The following SUPT3H variants were observed in gnomAD, a reference collection of about 807,000 sequenced individuals.
SUPT3H encodes transcription initiation protein SPT3 homolog.
In SUPT3H, 44 loss-of-function variants were observed where a neutral mutation model predicts 44.3. That is an observed-to-expected ratio of 0.99 (90% confidence interval 0.78 to 1.28). The LOEUF is 1.28. Ranked by LOEUF, SUPT3H falls within the 50% of genes most tolerant of loss-of-function variation. The pLI, the probability that SUPT3H is intolerant of heterozygous loss-of-function variation, is 0.00. For missense variants in SUPT3H, 380 were observed against 387.1 expected, an observed-to-expected ratio of 0.98 and a Z score of 0.15; for synonymous variants, 124 against 125.6, an observed-to-expected ratio of 0.99 and a Z score of 0.09.
At chr6:45,098,929 T>C (rs1005046917) in intron 3 of SUPT3H, 17 of 509,080 alleles carry the variant, frequency 3.3e-5, no homozygotes, top group Non-Finnish European at 4.3e-5. Context: ...ATCCCAAGCA[T>C]CCAGAGGAAA....
intron 3 of SUPT3H, among the ~76,000 whole-genome samples, chr6:45,072,106 G>C (rs1316284934): frequency 6.6e-6 from 1 of 152,116 alleles, no homozygotes; most frequent in Non-Finnish European, 1.5e-5. Context: ...TATGAAGTCA[G>C]AACTAATATT....
chr6:45,346,110 A>G (rs578128518), intron 2 of SUPT3H, among the ~76,000 whole-genome samples: 2 of 152,106 alleles, frequency 1.3e-5, no homozygotes, highest in Non-Finnish European at 2.9e-5. Flanking sequence ...ATCCACCTCC[A>G]TATTCCTATA....
intron 2 of SUPT3H, among the ~76,000 whole-genome samples, chr6:45,126,629 A>G (rs73738605): frequency 6.6e-6 from 1 of 152,216 alleles, no homozygotes; most frequent in Non-Finnish European, 1.5e-5. Flanking sequence ...GGTTCCCCCA[A>G]AAGATATGAA....
At chr6:45,279,091 T>G (rs1777508255) in intron 2 of SUPT3H, among the ~76,000 whole-genome samples, 1 of 152,228 alleles carries the variant, frequency 6.6e-6, no homozygotes, top group South Asian at 2.1e-4. Context: ...AATTCTCGAT[T>G]AAGATACTTA....
chr6:45,301,044 A>G (rs149581733), intron 2 of SUPT3H, among the ~76,000 whole-genome samples: 28 of 152,310 alleles, frequency 1.8e-4, no homozygotes, highest in African/African-American at 6.5e-4. Context: ...ATTGACTACA[A>G]GTCACCTACC....
chr6:45,039,811 A>T (rs550919384), intron 3 of SUPT3H, among the ~76,000 whole-genome samples: 24 of 146,068 alleles, frequency 1.6e-4, no homozygotes, highest in Non-Finnish European at 3.3e-4. Flanking sequence ...AAAAACAAAA[A>T]ACAAACAAAA....
intron 2 of SUPT3H, among the ~76,000 whole-genome samples, chr6:45,161,452 T>C (rs77853584): frequency 0.018 from 2,668 of 152,250 alleles, 52 homozygotes; most frequent in South Asian, 0.085. Flanking sequence ...CTCTTGAGAG[T>C]ATGGACACTA....
chr6:45,074,757 A>G (rs937074349), intron 3 of SUPT3H, among the ~76,000 whole-genome samples: 3 of 152,038 alleles, frequency 2.0e-5, no homozygotes, highest in African/African-American at 7.2e-5. Context: ...GGAGTGCAGA[A>G]CTGTCAAAAC....
chr6:45,131,903 C>G (rs1467700773), intron 2 of SUPT3H, among the ~76,000 whole-genome samples: 2 of 152,112 alleles, frequency 1.3e-5, no homozygotes, highest in Non-Finnish European at 2.9e-5. Flanking sequence ...TTGAGATCCC[C>G]CACACTCCAT....
intron 2 of SUPT3H, among the ~76,000 whole-genome samples, chr6:45,229,366 T>C (rs971999140): frequency 3.9e-5 from 6 of 152,124 alleles, no homozygotes; most frequent in African/African-American, 1.4e-4. Context: ...AGTTTTCTTT[T>C]GCATTCTGAA....
At chr6:44,867,565 C>CT (rs34627980) in intron 10 of SUPT3H, among the ~76,000 whole-genome samples, 50,956 of 151,820 alleles carry the variant, frequency 0.34, 9,491 homozygotes, top group Admixed American at 0.41. Flanking sequence ...CAAGTTTTCA[C>CT]TTTTTTTTAA....
At chr6:45,140,518 C>T (rs1296886102) in intron 2 of SUPT3H, among the ~76,000 whole-genome samples, 2 of 152,132 alleles carry the variant, frequency 1.3e-5, no homozygotes, top group Admixed American at 1.3e-4. Context: ...CTAATTTCAC[C>T]GTCTGCAATA....
At chr6:45,202,861 T>C (rs1762647810) in intron 2 of SUPT3H, among the ~76,000 whole-genome samples, 2 of 152,094 alleles carry the variant, frequency 1.3e-5, no homozygotes, top group Non-Finnish European at 2.9e-5. Context: ...ATATTCATAA[T>C]GTAGAAATAA....
At chr6:45,337,585 G>A (rs1040087703) in intron 2 of SUPT3H, among the ~76,000 whole-genome samples, 3 of 151,602 alleles carry the variant, frequency 2.0e-5, no homozygotes, top group Admixed American at 1.3e-4. Context: ...CTAAAACAAC[G>A]GACTACCTGT....
rs370063301 is a variant in SUPT3H, at chr6:45,283,185, C to T, written c.101+82016G>A. Among the ~76,000 whole-genome samples the T allele has an allele frequency of 1.0e-3, 154 of 152,188 alleles. 5 individuals are homozygous for T. The South Asian group carries it at 0.031, about 31-fold the overall frequency. On this transcript the variant is annotated intron_variant, in intron 2 of 10. Coordinates refer to ENST00000371459, the MANE Select transcript of SUPT3H (RefSeq NM_003599.4). ...GGAAAAAACTGCATCAACTAACGAGCAAAATAACCAGCTAACATCATAATG... is the reference window on the plus strand; with the variant it reads ...GGAAAAAACTGCATCAACTAACGAGTAAAATAACCAGCTAACATCATAATG...
chr6:45,098,617 T>C (rs1013771908), intron 3 of SUPT3H: 16 of 336,838 alleles, frequency 4.8e-5, no homozygotes, highest in Admixed American at 1.7e-4. Context: ...CAGAATATTA[T>C]GGAATCAATG....
At chr6:44,922,655 T>A (rs1178293137) in intron 10 of SUPT3H, among the ~76,000 whole-genome samples, 2 of 152,306 alleles carry the variant, frequency 1.3e-5, no homozygotes, top group South Asian at 2.1e-4. Context: ...AGAACTGATA[T>A]GTTATTTTTC....
chr6:45,015,512 A>G (rs1411034486), intron 4 of SUPT3H, among the ~76,000 whole-genome samples: 1 of 151,986 alleles, frequency 6.6e-6, no homozygotes, highest in Non-Finnish European at 1.5e-5. Context: ...TGCAGACTTT[A>G]TTTTTAAAAA....
intron 3 of SUPT3H, among the ~76,000 whole-genome samples, chr6:45,105,344 G>T (rs1255805272): frequency 6.6e-6 from 1 of 152,060 alleles, no homozygotes; most frequent in Non-Finnish European, 1.5e-5. Context: ...ACATGGTACA[G>T]GCATACCTCA....
Sources: allele counts gnomAD v4.1 joint callset (sites outside exome capture counted in the v4.1 genomes callset), GRCh38; gene constraint gnomAD v4.1.1; transcripts MANE v1.5; gene names NCBI Gene and HGNC (gene_info 2026-07-23, HGNC 2026-07-21).